The following RHOBTB3 variants were observed in gnomAD, a reference collection of about 807,000 sequenced individuals.
RHOBTB3 encodes the protein rho-related BTB domain-containing protein 3.
A neutral mutation model predicts 67.2 loss-of-function variants in RHOBTB3; 47 were observed. The ratio of observed to expected loss-of-function variants is 0.70; its 90% confidence interval spans 0.55 to 0.89. RHOBTB3 has a LOEUF of 0.89. RHOBTB3 is among the 40% of genes least tolerant of loss of function. The probability of loss-of-function intolerance (pLI) is 0.00; values close to 1 mark genes in which losing one functional copy is unlikely to be tolerated. For missense variants in RHOBTB3, 631 were observed against 750.0 expected (o/e 0.84, Z 1.85); for synonymous variants, 273 against 274.2 (o/e 1.00, Z 0.04).
intron 2 of RHOBTB3, among the ~76,000 whole-genome samples, chr5:95,733,869 A>G (rs1036053244): frequency 2.0e-5 from 3 of 152,210 alleles, no homozygotes; most frequent in African/African-American, 7.2e-5. Context: ...AATATAGCAG[A>G]GCAGATAGAG....
chr5:95,741,509 T>C (rs1458612726), intron 3 of RHOBTB3, among the ~76,000 whole-genome samples: 4 of 147,664 alleles, frequency 2.7e-5, no homozygotes, highest in Non-Finnish European at 4.5e-5. Flanking sequence ...TCTCTTTTTT[T>C]TTTCTTTCTT....
intron 7 of RHOBTB3, among the ~76,000 whole-genome samples, chr5:95,764,742 T>A (rs955208591): frequency 1.3e-5 from 2 of 152,238 alleles, no homozygotes; most frequent in Non-Finnish European, 2.9e-5. Flanking sequence ...CTAAAACCTG[T>A]TAACATTTTA....
At chr5:95,765,607 AG>A (rs1745519609) in intron 7 of RHOBTB3, among the ~76,000 whole-genome samples, 2 of 152,214 alleles carry the variant, frequency 1.3e-5, no homozygotes, top group Admixed American at 1.3e-4. Context: ...CTATAAAATG[AG>A]GGGTAAATTG....
In RHOBTB3 at chr5:95,752,495, GAATCTGTGTT is replaced by G; in HGVS notation, c.682+150_682+159del. 6.1e-6 allele frequency: 4 copies of G among 656,354 alleles called. No individual in the cohort carries two copies. The Middle Eastern group carries it at 9.8e-4, about 161-fold the overall frequency. The allele number at this position is 656,354 out of a possible 1,614,324, so 40.7% of individuals were successfully genotyped here. Reference sequence around the variant, plus strand: ...TTCAGTCAACCTGGGATAAGGCCTAGAATCTGTGTTAATCAGCCTCCCAAGTGATGCAAAA... The same window carrying G: ...TTCAGTCAACCTGGGATAAGGCCTAGAATCAGCCTCCCAAGTGATGCAAAA... On this transcript the variant is annotated intron_variant, in intron 5 of 11. Transcript: ENST00000379982.
chr5:95,731,135 C>T (rs943796338), upstream of RHOBTB3: 11 of 1,019,972 alleles, frequency 1.1e-5, no homozygotes, highest in East Asian at 1.1e-4. Flanking sequence ...AATTTATATT[C>T]CGCGGCGCCC....
chr5:95,780,786 C>T (rs1746025550), intron 9 of RHOBTB3, among the ~76,000 whole-genome samples: 1 of 152,174 alleles, frequency 6.6e-6, no homozygotes, highest in Non-Finnish European at 1.5e-5. Context: ...CTGTCTCTTC[C>T]ACAAGAAGAG....
chr5:95,720,765 A>G (rs1016604173), intron 1 of RHOBTB3, among the ~76,000 whole-genome samples: 1 of 152,182 alleles, frequency 6.6e-6, no homozygotes, highest in South Asian at 2.1e-4. Context: ...ATGATTCTGA[A>G]GAGTTAGACA....
At chr5:95,739,225 G>A (rs1446518786) in intron 3 of RHOBTB3, among the ~76,000 whole-genome samples, 1 of 152,174 alleles carries the variant, frequency 6.6e-6, no homozygotes, top group Non-Finnish European at 1.5e-5. Flanking sequence ...GACCCAGCCC[G>A]ATTCCGCATA....
intron 2 of RHOBTB3, among the ~76,000 whole-genome samples, chr5:95,734,075 T>G (rs1033852398): frequency 6.6e-6 from 1 of 152,212 alleles, no homozygotes; most frequent in African/African-American, 2.4e-5. Context: ...GGCTGGCATT[T>G]AGTAGATGCT....
intron 6 of RHOBTB3, among the ~76,000 whole-genome samples, chr5:95,759,423 TA>T (rs1363233775): frequency 2.0e-5 from 3 of 152,196 alleles, no homozygotes; most frequent in African/African-American, 7.2e-5. Context: ...TACATTATGT[TA>T]AAAAGAGATA....
intron 2 of RHOBTB3, 49 bp downstream of exon 2, chr5:95,732,133 C>T (rs539645910): frequency 2.1e-5 from 32 of 1,552,472 alleles, no homozygotes; most frequent in Admixed American, 5.1e-5. Flanking sequence ...GCTTTTCTTT[C>T]CTTTTTTTTC....
At chr5:95,792,451 A>G (rs1386293235) in intron 11 of RHOBTB3, among the ~76,000 whole-genome samples, 1 of 151,008 alleles carries the variant, frequency 6.6e-6, no homozygotes, top group African/African-American at 2.4e-5. Context: ...TATAAATGGA[A>G]AAAAAAAATA....
chr5:95,772,661 A>G (rs1374594669), intron 8 of RHOBTB3, among the ~76,000 whole-genome samples: 1 of 152,206 alleles, frequency 6.6e-6, no homozygotes, highest in African/African-American at 2.4e-5. Flanking sequence ...TGGTCGCAGG[A>G]GGAAACTTAA....
intron 3 of RHOBTB3, among the ~76,000 whole-genome samples, chr5:95,745,575 T>C (rs910966047): frequency 6.6e-6 from 1 of 152,162 alleles, no homozygotes; most frequent in Non-Finnish European, 1.5e-5. Flanking sequence ...AGAATTAACC[T>C]GCAGGTTCCC....
At chr5:95,777,879 G>C (rs906608414) in intron 8 of RHOBTB3, among the ~76,000 whole-genome samples, 1 of 152,170 alleles carries the variant, frequency 6.6e-6, no homozygotes, top group African/African-American at 2.4e-5. Flanking sequence ...CACTTTGAGA[G>C]GCTGAGGTGG....
chr5:95,762,691 G>A (rs974810554), intron 6 of RHOBTB3, among the ~76,000 whole-genome samples: 25 of 152,106 alleles, frequency 1.6e-4, no homozygotes, highest in Non-Finnish European at 3.7e-4. Flanking sequence ...GATCAGATTC[G>A]TGCTTTTGAA....
intron 9 of RHOBTB3, chr5:95,781,963 A>G (rs1746061111): frequency 6.6e-6 from 1 of 152,250 alleles, no homozygotes; most frequent in African/African-American, 2.4e-5. Context: ...AAATTTACAA[A>G]TTGACCAGAT....
intron 3 of RHOBTB3, among the ~76,000 whole-genome samples, chr5:95,747,522 G>A (rs1240037435): frequency 2.6e-5 from 4 of 152,118 alleles, no homozygotes; most frequent in South Asian, 2.1e-4. Context: ...TTGTGGTCAC[G>A]ATACATAACA....
At chr5:95,731,164 G>A, upstream of RHOBTB3, 1 of 1,010,644 alleles carries the variant, frequency 9.9e-7, no homozygotes, top group Non-Finnish European at 1.2e-6. Context: ...CGGCTCCTTT[G>A]TGTCCAGCCG....
Sources: allele counts gnomAD v4.1 joint callset (sites outside exome capture counted in the v4.1 genomes callset), GRCh38; gene constraint gnomAD v4.1.1; transcripts MANE v1.5; gene names NCBI Gene and HGNC (gene_info 2026-07-23, HGNC 2026-07-21).